ELMO1: variants seen among roughly 807,000 people sequenced by gnomAD.
ELMO1 encodes engulfment and cell motility 1.
Under a neutral mutation model 98.9 loss-of-function variants are expected in ELMO1, and 26 were observed. That is an observed-to-expected ratio of 0.26 (90% CI 0.19 to 0.36). The LOEUF is 0.36. ELMO1 is among the 10% of genes least tolerant of loss of function. ELMO1 has a pLI of 1.00. For synonymous variants in ELMO1, 346 were observed against 346.0 expected (o/e 1.00, Z 0.00); for missense variants, 627 against 935.2 (o/e 0.67, Z 4.30).
chr7:37,118,461 C>T (rs1043171396), intron 14 of ELMO1, among the ~76,000 whole-genome samples: 2 of 152,200 alleles, frequency 1.3e-5, no homozygotes, highest in African/African-American at 4.8e-5. Flanking sequence ...GTCCTTCATT[C>T]TCAGCCAGGG....
chr7:36,924,462 C>CA (rs996961466), intron 16 of ELMO1, among the ~76,000 whole-genome samples: 2 of 152,016 alleles, frequency 1.3e-5, no homozygotes, highest in Non-Finnish European at 2.9e-5. Context: ...CAATGCTGTA[C>CA]AAAAAAATAG....
chr7:37,039,178 C>A (rs918464537), intron 15 of ELMO1, among the ~76,000 whole-genome samples: 21 of 152,148 alleles, frequency 1.4e-4, no homozygotes, highest in African/African-American at 5.1e-4. Flanking sequence ...TGGATGCAAA[C>A]AGGCTCACAA....
chr7:37,157,744 GATTCA>G (rs1788896381), intron 13 of ELMO1, among the ~76,000 whole-genome samples: 1 of 152,046 alleles, frequency 6.6e-6, no homozygotes, highest in Non-Finnish European at 1.5e-5. Context: ...GTAATTTATA[GATTCA>G]ATGCCATCCC....
intron 1 of ELMO1, among the ~76,000 whole-genome samples, chr7:37,427,540 T>C (rs1247797318): frequency 6.6e-6 from 1 of 152,214 alleles, no homozygotes; most frequent in Non-Finnish European, 1.5e-5. Flanking sequence ...AAAAATATTT[T>C]AGATTAGTCA....
intron 16 of ELMO1, among the ~76,000 whole-genome samples, chr7:36,914,516 C>CCTT (rs1193155644): frequency 1.5e-5 from 2 of 129,988 alleles, no homozygotes; most frequent in Non-Finnish European, 3.3e-5. Flanking sequence ...AATGTACATT[C>CCTT]TTTTTTTTTT....
At position 37,439,344 on chromosome 7, in the gene ELMO1, C is replaced by A. The variant is rs11978474; in HGVS notation, c.-74+9331G>T. On this transcript the variant is annotated intron_variant, in intron 1 of 21. Transcript: ENST00000310758. ...CTATATTCCCTGGATGTATCATATT[C>A]TTTCTCTTAATACTCAGCTTTCCAG... 6.7e-3 allele frequency among the ~76,000 whole-genome samples: 1,017 copies of A among 152,324 alleles called. 11 individuals carry two copies. Among genetic ancestry groups the A allele is most frequent in the African/African-American group, 0.023 (962 of 41,578 alleles).
intron 15 of ELMO1, among the ~76,000 whole-genome samples, chr7:37,019,115 G>A (rs774667271): frequency 1.3e-5 from 2 of 152,174 alleles, no homozygotes; most frequent in Non-Finnish European, 2.9e-5. Context: ...GTGTAACAAC[G>A]ACAAAGGTCC....
At chr7:36,864,708 G>A (rs1554342779) in intron 20 of ELMO1, among the ~76,000 whole-genome samples, 1 of 152,150 alleles carries the variant, frequency 6.6e-6, no homozygotes, top group Non-Finnish European at 1.5e-5. Flanking sequence ...ACTGATCTGT[G>A]CCCCCCTCAG....
At chr7:36,936,598 C>T (rs770667947) in intron 16 of ELMO1, among the ~76,000 whole-genome samples, 5 of 152,164 alleles carry the variant, frequency 3.3e-5, no homozygotes, top group African/African-American at 4.8e-5. Context: ...GCTGGGACTA[C>T]AGGTGTGCAC....
chr7:36,899,269 G>A (rs1677152983), intron 16 of ELMO1, among the ~76,000 whole-genome samples: 1 of 152,160 alleles, frequency 6.6e-6, no homozygotes, highest in Non-Finnish European at 1.5e-5. Context: ...GGTCTGTGAA[G>A]GAATTTGATA....
chr7:37,080,700 C>T (rs1797826355), intron 15 of ELMO1, among the ~76,000 whole-genome samples: 3 of 149,430 alleles, frequency 2.0e-5, no homozygotes, highest in African/African-American at 7.4e-5. Flanking sequence ...ATCCACCTTC[C>T]TCACCTTCTC....
At chr7:36,974,040 G>C (rs1584462519) in intron 16 of ELMO1, among the ~76,000 whole-genome samples, 1 of 152,336 alleles carries the variant, frequency 6.6e-6, no homozygotes, top group Middle Eastern at 3.4e-3. Flanking sequence ...GTGGGCTCCT[G>C]TGCGTCTGGA....
chr7:37,207,304 A>G (rs1007116862), intron 13 of ELMO1, among the ~76,000 whole-genome samples: 1 of 152,208 alleles, frequency 6.6e-6, no homozygotes, highest in African/African-American at 2.4e-5. Flanking sequence ...TAATCCCAGC[A>G]CTTTGGGAGG....
At chr7:36,951,242 AT>A (rs1041968939) in intron 16 of ELMO1, among the ~76,000 whole-genome samples, 1 of 152,184 alleles carries the variant, frequency 6.6e-6, no homozygotes, top group Non-Finnish European at 1.5e-5. Flanking sequence ...AGTGCAAGGC[AT>A]TGCTTAAGAT....
At chr7:37,062,154 G>A (rs1796698625) in intron 15 of ELMO1, among the ~76,000 whole-genome samples, 1 of 152,194 alleles carries the variant, frequency 6.6e-6, no homozygotes. Flanking sequence ...TTAGGCTAAA[G>A]ATTATGTGGC....
At position 37,211,449 on chromosome 7, in the gene ELMO1, G is replaced by T; in HGVS notation, c.1023C>A (p.Ser341Arg). The T allele has an allele frequency of 6.2e-7, 1 of 1,614,036 alleles. No individual in the cohort carries two copies. Among genetic ancestry groups the T allele is most frequent in the Non-Finnish European group, 8.5e-7 (1 of 1,179,984 alleles). ...ACTTGCGTTTCTCCATGCTGCCACT[G>T]CTGTTGTTAGGTTCAGACTCAGCAT... ...AFDAESEPNN[S>R]SGSMEKRKSM... Residue 341 changes from serine to arginine, a missense_variant, in exon 13 of 22, where the codon AGC (serine) becomes AGA (arginine). Physicochemically the swap from Ser to Arg is moderately radical, Grantham distance 110. Around this residue, in one of 3 missense-constraint regions of ELMO1, gnomAD observed 492 missense variants for 715.6 expected, o/e 0.69. Transcript: ENST00000310758.
chr7:37,099,522 G>A (rs985972504), intron 14 of ELMO1, among the ~76,000 whole-genome samples: 5 of 152,080 alleles, frequency 3.3e-5, no homozygotes, highest in Admixed American at 6.5e-5. Flanking sequence ...GAGCAAATAT[G>A]CTAGAACAGA....
At chr7:37,428,165 T>C (rs1045728142) in intron 1 of ELMO1, among the ~76,000 whole-genome samples, 3 of 152,020 alleles carry the variant, frequency 2.0e-5, no homozygotes, top group African/African-American at 7.3e-5. Context: ...CCTCTTAGGA[T>C]ACATATCCCA....
chr7:36,895,773 C>T (rs1260541508), intron 16 of ELMO1, among the ~76,000 whole-genome samples: 11 of 152,210 alleles, frequency 7.2e-5, no homozygotes, highest in Non-Finnish European at 1.5e-4. Flanking sequence ...AGAAAAAACA[C>T]AGAAGCATCT....
Sources: allele counts gnomAD v4.1 joint callset (sites outside exome capture counted in the v4.1 genomes callset), GRCh38; gene constraint gnomAD v4.1.1; regional missense constraint gnomAD v4.1.1; transcripts MANE v1.5; gene names NCBI Gene and HGNC (gene_info 2026-07-23, HGNC 2026-07-21).